The following EPHA5 variants were observed in gnomAD, a reference collection of about 807,000 sequenced individuals.
EPHA5 encodes EPH receptor A5, also known as ephrin type-A receptor 5.
In EPHA5, 60 loss-of-function variants were observed where a neutral mutation model predicts 105.0. That is an observed-to-expected ratio of 0.57 (90% CI 0.46 to 0.71). EPHA5 has a LOEUF of 0.71. Ranked by LOEUF, EPHA5 falls within the 30% of genes least tolerant of loss-of-function variation. EPHA5 has a pLI of 0.00. For missense variants in EPHA5, 1,218 were observed against 1,274.7 expected (o/e 0.96, Z 0.68); for synonymous variants, 513 against 449.1 (o/e 1.14, Z -1.80).
intron 1 of EPHA5, among the ~76,000 whole-genome samples, chr4:65,644,652 T>G (rs934572811): frequency 6.6e-6 from 1 of 152,086 alleles, no homozygotes; most frequent in African/African-American, 2.4e-5. Context: ...GGAAATTTTC[T>G]ACATCTTAGA....
intron 3 of EPHA5, among the ~76,000 whole-genome samples, chr4:65,526,934 T>A (rs1237352876): frequency 6.6e-6 from 1 of 152,062 alleles, no homozygotes. Context: ...TAAAAAAATC[T>A]AATGCTACTA....
At chr4:65,647,527 G>A (rs1055754571) in intron 1 of EPHA5, among the ~76,000 whole-genome samples, 4 of 151,906 alleles carry the variant, frequency 2.6e-5, no homozygotes, top group Admixed American at 2.0e-4. Context: ...GTCGTAAATT[G>A]CAATGAATAC....
At chr4:65,626,474 C>A (rs910445341) in intron 2 of EPHA5, among the ~76,000 whole-genome samples, 1 of 152,026 alleles carries the variant, frequency 6.6e-6, no homozygotes, top group Admixed American at 6.6e-5. Flanking sequence ...TTGTTGTAAA[C>A]CTTTATGAGA....
Position 65,414,495 on chromosome 4 carries a change from T to A in EPHA5, c.1528-52A>T, listed in dbSNP as rs367692100. ...AAAAAGACAGCATATAAATTACTAA[T>A]GACAGCAAAATTTAGAATCATAGAT... On this transcript the variant is annotated intron_variant, in intron 6 of 16. Transcript: ENST00000613740. 360 of 1,569,446 alleles carry A rather than the reference T, an allele frequency of 2.3e-4. 3 individuals carry two copies. The South Asian group carries it at 3.8e-3, about 17-fold the overall frequency.
intron 5 of EPHA5, among the ~76,000 whole-genome samples, chr4:65,433,699 C>A (rs1490691592): frequency 6.6e-6 from 1 of 152,130 alleles, no homozygotes; most frequent in African/African-American, 2.4e-5. Flanking sequence ...GCAGAAAATC[C>A]ATTTCTATGT....
In EPHA5 at chr4:65,542,440, A is replaced by ACACTT. The variant is rs1214577259; in HGVS notation, c.911-46902_911-46898dup. 1.3e-4 allele frequency among the ~76,000 whole-genome samples: 20 copies of ACACTT among 152,258 alleles called. 1 individual carries two copies. Among genetic ancestry groups the ACACTT allele is most frequent in the African/African-American group, 4.8e-4 (20 of 41,570 alleles). ...CAAACTACTATCAGAGAATACTGTA[A>ACACTT]CACTTCTACTCAAATGAACTAGAAA... On this transcript the variant is annotated intron_variant, in intron 3 of 16. Coordinates refer to ENST00000613740, the MANE Select transcript of EPHA5 (RefSeq NM_001281766.3).
At chr4:65,445,510 T>C (rs1726432451) in intron 5 of EPHA5, among the ~76,000 whole-genome samples, 1 of 152,128 alleles carries the variant, frequency 6.6e-6, no homozygotes, top group South Asian at 2.1e-4. Flanking sequence ...GTAATGAAGA[T>C]GCCAACAGGA....
At chr4:65,385,621 T>C (rs1413355926) in intron 8 of EPHA5, among the ~76,000 whole-genome samples, 1 of 151,886 alleles carries the variant, frequency 6.6e-6, no homozygotes, top group African/African-American at 2.4e-5. Flanking sequence ...CATAATTATT[T>C]AAAATTAAAT....
At chr4:65,371,439 C>T (rs1253666864) in intron 8 of EPHA5, among the ~76,000 whole-genome samples, 5 of 152,038 alleles carry the variant, frequency 3.3e-5, no homozygotes, top group Non-Finnish European at 7.4e-5. Context: ...TTGGATAATA[C>T]ATTTCTGATA....
intron 2 of EPHA5, among the ~76,000 whole-genome samples, chr4:65,619,343 A>C (rs916964392): frequency 6.6e-6 from 1 of 152,196 alleles, no homozygotes; most frequent in Non-Finnish European, 1.5e-5. Flanking sequence ...ATTTTCAAAA[A>C]CTAGTATTAG....
At chr4:65,443,400 G>A (rs1050932249) in intron 5 of EPHA5, among the ~76,000 whole-genome samples, 1 of 151,500 alleles carries the variant, frequency 6.6e-6, no homozygotes, top group Non-Finnish European at 1.5e-5. Flanking sequence ...ATTTAATATA[G>A]GGAGTTGTTT....
At chr4:65,635,151 TC>T (rs1560801981) in intron 2 of EPHA5, among the ~76,000 whole-genome samples, 1 of 151,450 alleles carries the variant, frequency 6.6e-6, no homozygotes, top group African/African-American at 2.4e-5. Flanking sequence ...ACAAAGGTTC[TC>T]AGTCTCAAAG....
chr4:65,420,637 G>A (rs540764037), intron 5 of EPHA5, 72 bp from the exon 6 acceptor site: 67 of 1,385,840 alleles, frequency 4.8e-5, no homozygotes, highest in Non-Finnish European at 5.9e-5. Context: ...TGTTTATTAC[G>A]TATATTGGCA....
At chr4:65,574,667 C>CATATATATAT (rs1361215824) in intron 3 of EPHA5, among the ~76,000 whole-genome samples, 13 of 87,204 alleles carry the variant, frequency 1.5e-4, no homozygotes, top group African/African-American at 6.1e-4. Context: ...TATATATATA[C>CATATATATAT]ACATATATAT....
At chr4:65,539,897 ATAT>A (rs1172036739) in intron 3 of EPHA5, among the ~76,000 whole-genome samples, 1 of 151,478 alleles carries the variant, frequency 6.6e-6, no homozygotes, top group Non-Finnish European at 1.5e-5. Context: ...TAATGTACCT[ATAT>A]TATTATTATA....
intron 1 of EPHA5, among the ~76,000 whole-genome samples, chr4:65,667,134 A>G (rs1166740528): frequency 6.6e-6 from 1 of 152,168 alleles, no homozygotes; most frequent in Non-Finnish European, 1.5e-5. Context: ...AAGCAAACAA[A>G]CAAATTGGAA....
chr4:65,538,794 C>G (rs879038322), intron 3 of EPHA5, among the ~76,000 whole-genome samples: 1 of 151,790 alleles, frequency 6.6e-6, no homozygotes, highest in East Asian at 1.9e-4. Context: ...ACTCATATAA[C>G]TTCACAGATA....
chr4:65,567,177 C>A (rs945598509), intron 3 of EPHA5, among the ~76,000 whole-genome samples: 1 of 151,690 alleles, frequency 6.6e-6, no homozygotes, highest in South Asian at 2.1e-4. Context: ...CTTTTTATGT[C>A]TTGAAAAGTT....
intron 2 of EPHA5, among the ~76,000 whole-genome samples, chr4:65,607,085 T>G (rs1744299057): frequency 6.6e-6 from 1 of 152,230 alleles, no homozygotes; most frequent in South Asian, 2.1e-4. Context: ...ATTGTGATTT[T>G]CATTGTGCAA....
Sources: allele counts gnomAD v4.1 joint callset (sites outside exome capture counted in the v4.1 genomes callset), GRCh38; gene constraint gnomAD v4.1.1; transcripts MANE v1.5; gene names NCBI Gene and HGNC (gene_info 2026-07-23, HGNC 2026-07-21).